TBC1D31: variants seen among roughly 807,000 people sequenced by gnomAD.
TBC1D31 encodes the protein WD repeat domain 67.
Under a neutral mutation model 132.9 loss-of-function variants are expected in TBC1D31, and 99 were observed. The observed-to-expected ratio is 0.74, with a 90% CI of 0.63 to 0.88. TBC1D31 has a LOEUF of 0.88. TBC1D31 is among the 40% of genes least tolerant of loss of function. The pLI, the probability that TBC1D31 is intolerant of heterozygous loss-of-function variation, is 0.00. For synonymous variants in TBC1D31, 385 were observed against 419.4 expected (o/e 0.92, Z 1.00); for missense variants, 1,134 against 1,256.6 (o/e 0.90, Z 1.48).
At chr8:123,138,923 C>T (rs565180418) in intron 17 of TBC1D31, among the ~76,000 whole-genome samples, 19 of 152,210 alleles carry the variant, frequency 1.2e-4, no homozygotes, top group Admixed American at 2.0e-4. Flanking sequence ...AATCTTCCTG[C>T]CTCAGCCTCC....
intron 4 of TBC1D31, among the ~76,000 whole-genome samples, chr8:123,085,596 G>A (rs997748223): frequency 6.6e-6 from 1 of 151,968 alleles, no homozygotes; most frequent in Non-Finnish European, 1.5e-5. Flanking sequence ...CACCAGGCCC[G>A]GCTAATTTTT....
intron 17 of TBC1D31, among the ~76,000 whole-genome samples, chr8:123,137,841 T>G: frequency 6.6e-6 from 1 of 152,230 alleles, no homozygotes; most frequent in Admixed American, 6.5e-5. Flanking sequence ...CAGGAACTGA[T>G]CAAGGGCCAG....
chr8:123,089,068 A>ATGC (rs1816074288), intron 4 of TBC1D31, among the ~76,000 whole-genome samples: 1 of 152,222 alleles, frequency 6.6e-6, no homozygotes, highest in Non-Finnish European at 1.5e-5. Flanking sequence ...GAAATCCCAA[A>ATGC]TGCTCCAAAA....
intron 20 of TBC1D31, 95 bp downstream of exon 20, chr8:123,144,950 G>T (rs1209228117): frequency 1.2e-5 from 14 of 1,133,248 alleles, no homozygotes; most frequent in African/African-American, 3.2e-5. Flanking sequence ...TTGAGATAGG[G>T]TCTTGTTCTG....
chr8:123,112,492 T>C (rs946196182), intron 10 of TBC1D31, among the ~76,000 whole-genome samples: 7 of 152,234 alleles, frequency 4.6e-5, no homozygotes, highest in African/African-American at 1.7e-4. Context: ...TGTATACTAT[T>C]ACACTTTTCT....
At chr8:123,075,846 G>T (rs1299557337) in intron 1 of TBC1D31, among the ~76,000 whole-genome samples, 1 of 152,092 alleles carries the variant, frequency 6.6e-6, no homozygotes, top group Non-Finnish European at 1.5e-5. Flanking sequence ...TTATTTTAAG[G>T]AGTTATTTTG....
intron 4 of TBC1D31, among the ~76,000 whole-genome samples, chr8:123,088,610 A>G (rs1387399572): frequency 6.6e-6 from 1 of 152,208 alleles, no homozygotes; most frequent in African/African-American, 2.4e-5. Flanking sequence ...TGCCCCTAAA[A>G]ACGTTAATTC....
intron 7 of TBC1D31, among the ~76,000 whole-genome samples, chr8:123,101,811 T>G (rs1037018633): frequency 1.2e-4 from 19 of 152,238 alleles, no homozygotes; most frequent in African/African-American, 2.4e-5. Flanking sequence ...TCTGGACTAA[T>G]GGTAATTTAA....
At chr8:123,153,421 A>G (rs1395496601), downstream of TBC1D31, among the ~76,000 whole-genome samples, 1 of 152,188 alleles carries the variant, frequency 6.6e-6, no homozygotes, top group African/African-American at 2.4e-5. Flanking sequence ...GAACTGCAGT[A>G]GTTAATTTTT....
rs780235477 is a variant in TBC1D31 at position 123,150,029 on chromosome 8, A to G, written c.2975-7A>G. The stretch of plus-strand genomic sequence containing the variant: ...ACATCATCTTAATCTCCTCACTTTT[A>G]TAACAGAAGAACCCAGGTTCCAAAA... On this transcript the variant is annotated splice_region_variant and splice_polypyrimidine_tract_variant and intron_variant, in intron 20 of 21. Coordinates refer to ENST00000287380, the MANE Select transcript of TBC1D31 (RefSeq NM_145647.4). The G allele has an allele frequency of 6.2e-7, 1 of 1,610,876 alleles. No homozygotes were observed. Among genetic ancestry groups the G allele is most frequent in the Non-Finnish European group, 8.5e-7 (1 of 1,177,196 alleles).
chr8:123,158,077 G>A, the TBC1D31 span, among the ~76,000 whole-genome samples: 7 of 148,544 alleles, frequency 4.7e-5, 1 homozygote, highest in Non-Finnish European at 1.0e-4. Flanking sequence ...CGTGGAAGCG[G>A]TGAGTTAATG....
intron 17 of TBC1D31, among the ~76,000 whole-genome samples, chr8:123,138,263 A>G (rs1413559233): frequency 1.3e-5 from 2 of 152,186 alleles, no homozygotes; most frequent in African/African-American, 4.8e-5. Context: ...CTGCTGGTGA[A>G]CCATAACTTA....
chr8:123,154,645 C>G (rs910897715), downstream of TBC1D31, among the ~76,000 whole-genome samples: 3 of 152,218 alleles, frequency 2.0e-5, no homozygotes, highest in Admixed American at 1.3e-4. Flanking sequence ...AACAGGCCAG[C>G]AGGCAGGTGC....
chr8:123,072,829 C>T lies in TBC1D31; in HGVS notation c.60C>T (p.Ser20=). 6.4e-7 allele frequency: 1 copy of T among 1,570,124 alleles called. No individual in the cohort carries two copies. Among genetic ancestry groups the T allele is most frequent in the Non-Finnish European group, 8.6e-7 (1 of 1,157,978 alleles). Residue 20 remains serine (S), a synonymous_variant, in exon 1 of 22, where the codon TCC becomes TCT. Coordinates refer to ENST00000287380, the MANE Select transcript of TBC1D31 (RefSeq NM_145647.4). ...GCAAGATATGGCACCGCAAGCCGTC[C>T]CCGGCCACGCGGGACGGGTAAAGGC... ...ESGKIWHRKP[S]PATRDGIIVN...
chr8:123,109,529 A>G lies in TBC1D31; in HGVS notation c.1345A>G (p.Thr449Ala). 1 of 1,613,260 alleles carries G rather than the reference A, an allele frequency of 6.2e-7. No homozygotes were observed. Among genetic ancestry groups the G allele is most frequent in the Non-Finnish European group, 8.5e-7 (1 of 1,179,266 alleles). Reference sequence around the variant, plus strand: ...GCCTGAAAATCATACTGCGTTTAGTACCCTCATAGATAAGGGGACTCATGT... The same window carrying G: ...GCCTGAAAATCATACTGCGTTTAGTGCCCTCATAGATAAGGGGACTCATGT... Reference protein sequence around the residue: ...QLPENHTAFSTLIDKGTHVAF... With the variant: ...QLPENHTAFSALIDKGTHVAF... Residue 449 changes from threonine (T) to alanine (A), a missense_variant, in exon 10 of 22, where the codon ACC (threonine) becomes GCC (alanine). Coordinates refer to ENST00000287380, the MANE Select transcript of TBC1D31 (RefSeq NM_145647.4).
intron 8 of TBC1D31, among the ~76,000 whole-genome samples, chr8:123,108,267 C>G (rs1181319260): frequency 6.6e-6 from 1 of 152,186 alleles, no homozygotes; most frequent in Non-Finnish European, 1.5e-5. Context: ...GACATTTCAT[C>G]TGTTTCATAT....
intron 15 of TBC1D31, 138 bp from the exon 16 acceptor site, chr8:123,130,060 G>A (rs1459477282): frequency 4.8e-6 from 4 of 828,680 alleles, no homozygotes; most frequent in Non-Finnish European, 7.1e-6. Context: ...GGTAACGGTG[G>A]AGCAGTTCTC....
At chr8:123,087,811 T>C (rs930491425) in intron 4 of TBC1D31, among the ~76,000 whole-genome samples, 4 of 152,174 alleles carry the variant, frequency 2.6e-5, no homozygotes, top group Admixed American at 1.3e-4. Context: ...AGTATATTAA[T>C]GTTAGTGCTA....
chr8:123,128,929 A>G, intron 14 of TBC1D31, 137 bp from the exon 15 acceptor site: 1 of 603,956 alleles, frequency 1.7e-6, no homozygotes, highest in Non-Finnish European at 2.7e-6. Flanking sequence ...TCAGAGTTTG[A>G]AGGCTAGAAA....
Sources: allele counts gnomAD v4.1 joint callset (sites outside exome capture counted in the v4.1 genomes callset), GRCh38; gene constraint gnomAD v4.1.1; transcripts MANE v1.5; gene names NCBI Gene and HGNC (gene_info 2026-07-23, HGNC 2026-07-21).